Variants in ITGB5 observed in about 807,000 individuals in gnomAD.
The protein encoded by ITGB5 is integrin subunit beta 5.
Under a neutral mutation model 84.8 loss-of-function variants are expected in ITGB5, and 38 were observed. The ratio of observed to expected loss-of-function variants is 0.45; its 90% CI spans 0.35 to 0.59. The LOEUF (loss-of-function observed/expected upper bound fraction) is 0.59. Among genes scored for constraint, ITGB5 ranks in the 20% least tolerant of loss-of-function variants. The pLI is 0.01. For synonymous variants in ITGB5, 393 were observed against 414.4 expected, an observed-to-expected ratio of 0.95 and a Z score of 0.63; for missense variants, 905 against 1,034.5, an observed-to-expected ratio of 0.87 and a Z score of 1.72.
chr3:124,842,774 GC>G, intron 4 of ITGB5, among the ~76,000 whole-genome samples: 1 of 152,324 alleles, frequency 6.6e-6, no homozygotes, highest in Admixed American at 6.5e-5. Context: ...GGAGGACCCT[GC>G]CTTAAATGCT....
chr3:124,785,688 T>C (rs2064072602), intron 10 of ITGB5, among the ~76,000 whole-genome samples: 1 of 152,154 alleles, frequency 6.6e-6, no homozygotes, highest in Middle Eastern at 3.4e-3. Flanking sequence ...GAGCTCTATG[T>C]CTTTCATCAA....
chr3:124,894,134 C>CTTTTTTTTTTTTTTTTTTTTTTTTT (rs748784158), intron 1 of ITGB5, among the ~76,000 whole-genome samples: 3 of 104,354 alleles, frequency 2.9e-5, no homozygotes, highest in African/African-American at 3.7e-5. Flanking sequence ...TGATATTTTT[C>CTTTTTTTTTTTTTTTTTTTTTTTTT]TTTTTTTTTT....
At chr3:124,819,674 T>A (rs2107556262) in intron 7 of ITGB5, 65 bp downstream of exon 7, 1 of 1,146,800 alleles carries the variant, frequency 8.7e-7, no homozygotes, top group Non-Finnish European at 1.3e-6. Context: ...ATAGGCAGAG[T>A]TGTAAACACT....
At chr3:124,766,059 CAA>C (rs376914121) in intron 13 of ITGB5, among the ~76,000 whole-genome samples, 165 bp downstream of exon 13, 2,318 of 104,370 alleles carry the variant, frequency 0.022, 18 homozygotes, top group Non-Finnish European at 0.034. Flanking sequence ...CAGCCTGTGT[CAA>C]AAAAAAAAAA....
Position 124,835,810 on chromosome 3 carries a change from C to T in ITGB5, c.780+5573G>A, listed in dbSNP as rs191497384. On this transcript the variant is annotated intron_variant, in intron 5 of 14. Transcript: ENST00000296181. ...AGAAAGCGAGTCAATTCTGCAGGAA[C>T]TGGGAGCTGGGAGGGAGCAAGAGGA... 3.9e-5 allele frequency among the ~76,000 whole-genome samples: 6 copies of T among 152,298 alleles called. No homozygotes were observed. The East Asian group carries it at 1.2e-3, about 29-fold the overall frequency.
At chr3:124,796,154 G>A (rs374871041) in intron 10 of ITGB5, among the ~76,000 whole-genome samples, 2 of 152,196 alleles carry the variant, frequency 1.3e-5, no homozygotes, top group East Asian at 1.9e-4. Flanking sequence ...GACCCACGCA[G>A]GCCCCTCGAA....
chr3:124,887,888 G>C, upstream of ITGB5: 1 of 254,358 alleles, frequency 3.9e-6, no homozygotes, highest in Non-Finnish European at 8.1e-6. Flanking sequence ...GGGCGTGGAG[G>C]CACAAGTAAA....
At chr3:124,774,566 C>T (rs186242926) in intron 10 of ITGB5, among the ~76,000 whole-genome samples, 207 of 152,216 alleles carry the variant, frequency 1.4e-3, no homozygotes, top group Non-Finnish European at 2.6e-3. Flanking sequence ...GCAGCCCTGC[C>T]GACACCTCCA....
chr3:124,887,087 G>A lies in ITGB5; in HGVS notation c.-87C>T, dbSNP rs1934857798. 1 of 385,590 alleles carries A rather than the reference G, an allele frequency of 2.6e-6. No individual in the cohort carries two copies. Among genetic ancestry groups the A allele is most frequent in the South Asian group, 1.0e-4 (1 of 10,010 alleles). 23.9% of individuals were successfully genotyped at this position (385,590 alleles called of 1,614,324 possible). ...GCTGGGGCCGGAGCGCGGGGGCCGA[G>A]GGCCGGGGGCCGCAGCCGCATGCCC... On this transcript the variant is annotated 5_prime_UTR_variant, in exon 1 of 15. Coordinates refer to ENST00000296181, the MANE Select transcript of ITGB5 (RefSeq NM_002213.5).
chr3:124,811,396 A>G (rs1028343740), intron 8 of ITGB5, among the ~76,000 whole-genome samples: 1 of 152,240 alleles, frequency 6.6e-6, no homozygotes, highest in South Asian at 2.1e-4. Context: ...TAAATTTATA[A>G]CCGTGAATAA....
intron 1 of ITGB5, among the ~76,000 whole-genome samples, chr3:124,882,453 C>T (rs538880786): frequency 3.3e-5 from 5 of 152,238 alleles, no homozygotes; most frequent in South Asian, 2.1e-4. Flanking sequence ...TGGAGGAAGC[C>T]GGTCATGCAG....
At chr3:124,863,210 A>T (rs1169506737) in intron 2 of ITGB5, 1 of 152,262 alleles carries the variant, frequency 6.6e-6, no homozygotes, top group East Asian at 1.9e-4. Context: ...CTAGGGACTC[A>T]GAGCCACTAG....
chr3:124,770,091 G>A (rs2063820745), intron 11 of ITGB5: 2 of 152,314 alleles, frequency 1.3e-5, no homozygotes, highest in African/African-American at 4.8e-5. Flanking sequence ...GTCACAGGGT[G>A]GGGAGCTAAG....
intron 5 of ITGB5, among the ~76,000 whole-genome samples, chr3:124,835,369 C>T (rs931785756): frequency 7.2e-5 from 11 of 152,234 alleles, no homozygotes; most frequent in African/African-American, 1.9e-4. Flanking sequence ...AAACCACTGC[C>T]GTCTGCCACA....
chr3:124,882,755 C>G (rs1475714056), intron 1 of ITGB5, among the ~76,000 whole-genome samples: 1 of 152,208 alleles, frequency 6.6e-6, no homozygotes, highest in Non-Finnish European at 1.5e-5. Flanking sequence ...TAGGTCCCAG[C>G]TCTACAAGAG....
Position 124,796,417 on chromosome 3 carries a change from CAGG to C in ITGB5, c.1661_1663del (p.Ser554del). Reference sequence around the variant, plus strand: ...GCAGAGGACTCCCTTGTTCCTGGCACAGGAGAAGTTGTCGCACTCACAGAAAGG... The same window carrying C: ...GCAGAGGACTCCCTTGTTCCTGGCACAGAAGTTGTCGCACTCACAGAAAGG... On this transcript the variant is annotated inframe_deletion, in exon 10 of 15. Transcript: ENST00000296181. 6.2e-7 allele frequency: 1 copy of C among 1,613,236 alleles called. No individual in the cohort carries two copies. Among genetic ancestry groups the C allele is most frequent in the Non-Finnish European group, 8.5e-7 (1 of 1,179,502 alleles).
At chr3:124,788,008 A>C (rs2064106689) in intron 10 of ITGB5, among the ~76,000 whole-genome samples, 1 of 149,826 alleles carries the variant, frequency 6.7e-6, no homozygotes, top group South Asian at 2.1e-4. Context: ...TCTGGGCTCC[A>C]GTGGTCCTCC....
intron 6 of ITGB5, 55 bp downstream of exon 6, chr3:124,821,257 CG>C (rs2064697094): frequency 6.4e-7 from 1 of 1,553,470 alleles, no homozygotes; most frequent in Non-Finnish European, 8.7e-7. Flanking sequence ...ACTAAGACCA[CG>C]GGCAGGGTCA....
intron 1 of ITGB5, among the ~76,000 whole-genome samples, chr3:124,878,191 A>G (rs1579334102): frequency 1.3e-5 from 2 of 152,298 alleles, no homozygotes; most frequent in East Asian, 3.9e-4. Context: ...TATAATTACC[A>G]GAGCCTCATC....
Sources: gnomAD v4.1 joint callset for allele counts (sites outside exome capture counted in the v4.1 genomes callset) on GRCh38, gnomAD v4.1.1 for gene constraint, MANE v1.5 for transcripts, NCBI Gene and HGNC (gene_info 2026-07-23, HGNC 2026-07-21) for gene names.